The following CEP170 variants were observed in gnomAD, a reference collection of about 807,000 sequenced individuals.
CEP170 encodes the protein centrosomal protein 170.
A neutral mutation model predicts 151.9 loss-of-function variants in CEP170; 21 were observed. That is an observed-to-expected ratio of 0.14 (90% CI 0.10 to 0.20). CEP170 has a LOEUF of 0.20. CEP170 is among the 10% of genes least tolerant of loss of function. The pLI is 1.00. For missense variants in CEP170, 964 were observed against 1,892.9 expected (o/e 0.51, Z 9.11); for synonymous variants, 356 against 648.8 (o/e 0.55, Z 6.86).
At chr1:243,189,252 G>A (rs1197261407) in intron 8 of CEP170, among the ~76,000 whole-genome samples, 2 of 152,066 alleles carry the variant, frequency 1.3e-5, no homozygotes, top group Non-Finnish European at 2.9e-5. Context: ...TAAAATAATG[G>A]CTTAAAAATA....
At chr1:243,150,860 T>C (rs2056999956) in intron 14 of CEP170, among the ~76,000 whole-genome samples, 1 of 152,202 alleles carries the variant, frequency 6.6e-6, no homozygotes, top group African/African-American at 2.4e-5. Flanking sequence ...ATTACGTCCA[T>C]TTTACCGATG....
At chr1:243,132,787 C>T (rs1163210130) in intron 17 of CEP170, among the ~76,000 whole-genome samples, 1 of 152,184 alleles carries the variant, frequency 6.6e-6, no homozygotes, top group Non-Finnish European at 1.5e-5. Context: ...AATCTGTGAA[C>T]ATCTGCTGAA....
At chr1:243,254,171 C>T (rs1572728873) in intron 1 of CEP170, among the ~76,000 whole-genome samples, 1 of 147,836 alleles carries the variant, frequency 6.8e-6, no homozygotes, top group Non-Finnish European at 1.5e-5. Context: ...TAGTCCCTGT[C>T]TTCCTTACAT....
At chr1:243,253,830 G>A (rs1244593481) in intron 1 of CEP170, among the ~76,000 whole-genome samples, 1 of 152,178 alleles carries the variant, frequency 6.6e-6, no homozygotes, top group Non-Finnish European at 1.5e-5. Flanking sequence ...TTTAAAATAT[G>A]CATTTTCAAT....
Position 243,156,445 on chromosome 1 carries a change from T to A in CEP170, c.3687A>T (p.Arg1229Ser). The stretch of plus-strand genomic sequence containing the variant: ...CATAATCAGTAGGAAAGCGCCTCCA[T>A]CTTGAATTTACTAAATTAGTTTAAT... ...SAHGSASVNSRWRRFPTDYAS... is the reference protein window; with the variant it reads ...SAHGSASVNSSWRRFPTDYAS... The change falls in exon 14 of 20, where the codon AGA (arginine) becomes AGT (serine). Residue 1229 changes from arginine to serine, a missense_variant. Arg to Ser is a moderately radical substitution (Grantham distance 110). Coordinates refer to ENST00000366542, the MANE Select transcript of CEP170 (RefSeq NM_014812.3). 1 of 1,544,216 alleles carries A rather than the reference T, an allele frequency of 6.5e-7. No homozygotes were observed. The highest frequency in any genetic ancestry group is 8.7e-7 in the Non-Finnish European group (1 of 1,144,348).
intron 8 of CEP170, 92 bp from the exon 9 acceptor site, chr1:243,186,514 C>A: frequency 7.4e-7 from 1 of 1,355,688 alleles, no homozygotes; most frequent in Non-Finnish European, 9.9e-7. Context: ...GTTTTGCTCC[C>A]CTCCTCCTTT....
chr1:243,133,733 AG>A (rs1402240504), intron 17 of CEP170, among the ~76,000 whole-genome samples: 1 of 152,206 alleles, frequency 6.6e-6, no homozygotes, highest in African/African-American at 2.4e-5. Context: ...TGTACGGTGA[AG>A]GGGATTCTCT....
chr1:243,194,010 T>C (rs2060478410), intron 7 of CEP170, among the ~76,000 whole-genome samples: 1 of 151,706 alleles, frequency 6.6e-6, no homozygotes, highest in African/African-American at 2.4e-5. Context: ...AAAACCCAAC[T>C]CTAAAAAACC....
intron 19 of CEP170, among the ~76,000 whole-genome samples, 154 bp downstream of exon 19, chr1:243,128,093 CCT>C (rs1464757502): frequency 1.3e-5 from 2 of 152,030 alleles, no homozygotes; most frequent in Non-Finnish European, 2.9e-5. Context: ...TAAAAAAATT[CCT>C]TTTTATGAAT....
At chr1:243,136,021 T>A in intron 17 of CEP170, 122 bp downstream of exon 17, 1 of 1,500,608 alleles carries the variant, frequency 6.7e-7, no homozygotes, top group Non-Finnish European at 9.0e-7. Context: ...GGATAGATAT[T>A]TACTTTGGGA....
chr1:243,202,724 A>T (rs1203226810), intron 4 of CEP170, among the ~76,000 whole-genome samples: 2 of 152,098 alleles, frequency 1.3e-5, no homozygotes, highest in Non-Finnish European at 2.9e-5. Context: ...TAATAATAAT[A>T]CTGTCTAGTA....
chr1:243,130,903 A>G (rs556765010), intron 17 of CEP170, among the ~76,000 whole-genome samples: 1 of 151,862 alleles, frequency 6.6e-6, no homozygotes, highest in Non-Finnish European at 1.5e-5. Flanking sequence ...CTAAATTATT[A>G]TGTTCTTGTA....
chr1:243,129,761 A>G lies in CEP170; in HGVS notation c.4320-308T>C, dbSNP rs542264351. On this transcript the variant is annotated intron_variant, in intron 17 of 19. Coordinates refer to ENST00000366542, the MANE Select transcript of CEP170 (RefSeq NM_014812.3). The stretch of plus-strand genomic sequence containing the variant: ...AAAACTTTAATATTTATAATTTACA[A>G]TACAGTAATGCCCTCTTATCCACAG... Among the ~76,000 whole-genome samples the G allele has an allele frequency of 7.5e-4, 114 of 152,252 alleles. 2 individuals carry two copies. The highest frequency in any genetic ancestry group is 2.6e-3 in the African/African-American group (110 of 41,568).
intron 4 of CEP170, among the ~76,000 whole-genome samples, chr1:243,205,791 T>C (rs1389821586): frequency 6.6e-6 from 1 of 151,948 alleles, no homozygotes; most frequent in African/African-American, 2.4e-5. Flanking sequence ...AATTAATCAA[T>C]GGAAATCAAC....
At chr1:243,214,280 GTTTT>G (rs758433258) in intron 3 of CEP170, among the ~76,000 whole-genome samples, 1 of 100,546 alleles carries the variant, frequency 9.9e-6, no homozygotes, top group Non-Finnish European at 1.9e-5. Context: ...AAGCTGTAAA[GTTTT>G]TTTTTTTTTT....
chr1:243,145,107 G>T (rs1190523116), intron 14 of CEP170, among the ~76,000 whole-genome samples: 1 of 151,984 alleles, frequency 6.6e-6, no homozygotes, highest in African/African-American at 2.4e-5. Context: ...TATATTGGAA[G>T]ATTAAAGGAT....
intron 1 of CEP170, among the ~76,000 whole-genome samples, chr1:243,229,364 A>T (rs1435903548): frequency 1.3e-5 from 2 of 152,218 alleles, no homozygotes; most frequent in Non-Finnish European, 2.9e-5. Flanking sequence ...CATGCTTTCT[A>T]AATGACTGCA....
At chr1:243,215,967 T>G (rs1399889134) in intron 3 of CEP170, among the ~76,000 whole-genome samples, 11 of 151,862 alleles carry the variant, frequency 7.2e-5, no homozygotes, top group Non-Finnish European at 1.5e-5. Context: ...AAAGAACCTA[T>G]GTGAAATAAC....
At chr1:243,219,353 AG>A (rs1288314303) in intron 3 of CEP170, among the ~76,000 whole-genome samples, 1 of 152,220 alleles carries the variant, frequency 6.6e-6, no homozygotes, top group Non-Finnish European at 1.5e-5. Flanking sequence ...ACTGAATTTC[AG>A]AGAGATTAAG....
Sources: allele counts gnomAD v4.1 joint callset (sites outside exome capture counted in the v4.1 genomes callset), GRCh38; gene constraint gnomAD v4.1.1; transcripts MANE v1.5; gene names NCBI Gene and HGNC (gene_info 2026-07-23, HGNC 2026-07-21).